PCDHA3: variants seen among roughly 807,000 people sequenced by gnomAD.
The protein encoded by PCDHA3 is protocadherin alpha-3.
PCDHA3 carries 41 observed loss-of-function variants against 62.2 expected under a neutral mutation model. That is an observed-to-expected ratio of 0.66 (90% CI 0.51 to 0.86). The LOEUF is 0.86. PCDHA3 is among the 40% of genes least tolerant of loss of function. The pLI, the probability that PCDHA3 is intolerant of heterozygous loss-of-function variation, is 0.00. For missense variants in PCDHA3, 1,304 were observed against 1,241.2 expected (o/e 1.05, Z -0.76); for synonymous variants, 640 against 555.4 (o/e 1.15, Z -2.14).
chr5:140,809,384 G>A (rs1379248044), intron 1 of PCDHA3: 1 of 1,614,062 alleles, frequency 6.2e-7, no homozygotes, highest in Non-Finnish European at 8.5e-7. Context: ...GGGCGCGTGC[G>A]CTCCGGGCAA....
At chr5:140,949,222 G>T (rs1472220330) in intron 1 of PCDHA3, among the ~76,000 whole-genome samples, 1 of 151,662 alleles carries the variant, frequency 6.6e-6, no homozygotes, top group Non-Finnish European at 1.5e-5. Flanking sequence ...GTTTAGACTT[G>T]TTCTGTGGCC....
rs2094433165 is a variant in PCDHA3, at chr5:140,949,923, G to T, written c.2395-29026G>T. Among the ~76,000 whole-genome samples the T allele has an allele frequency of 2.7e-5, 4 of 150,516 alleles. No homozygotes were observed. In the South Asian group the frequency reaches 8.3e-4, roughly 31 times the overall value. On this transcript the variant is annotated intron_variant, in intron 1 of 3. Coordinates refer to ENST00000522353, the MANE Select transcript of PCDHA3 (RefSeq NM_018906.3). Reference sequence around the variant, plus strand: ...TAATTTTTAGATATAACTATTTTTAGATTTTTTTTAATTTGCATTTTTTAG... The same window carrying T: ...TAATTTTTAGATATAACTATTTTTATATTTTTTTTAATTTGCATTTTTTAG...
chr5:140,953,283 G>A (rs1377100708), intron 1 of PCDHA3, among the ~76,000 whole-genome samples: 5 of 152,132 alleles, frequency 3.3e-5, no homozygotes, highest in Non-Finnish European at 7.3e-5. Flanking sequence ...CTCTTTATAT[G>A]TGATTCAGGG....
At chr5:140,928,321 A>G (rs1296238254) in intron 1 of PCDHA3, 1 of 1,614,162 alleles carries the variant, frequency 6.2e-7, no homozygotes, top group Non-Finnish European at 8.5e-7. Context: ...CCTGGGGAAG[A>G]ATGGCCTTGT....
At chr5:140,884,396 C>T (rs2060144550) in intron 1 of PCDHA3, 1 of 1,614,012 alleles carries the variant, frequency 6.2e-7, no homozygotes, top group Middle Eastern at 1.6e-4. Context: ...GGTGTCCAGC[C>T]TGTTGGTGCT....
intron 1 of PCDHA3, chr5:140,883,585 C>T (rs782326010): frequency 4.3e-6 from 7 of 1,613,932 alleles, no homozygotes; most frequent in East Asian, 4.5e-5. Flanking sequence ...GGGCCACGGC[C>T]AGCGTGTCGG....
intron 1 of PCDHA3, chr5:140,884,345 C>A (rs782318945): frequency 1.2e-6 from 2 of 1,613,916 alleles, no homozygotes; most frequent in African/African-American, 2.7e-5. Flanking sequence ...AGAAGCGGCG[C>A]TGGTGGATGT....
At chr5:140,815,038 A>AT (rs1226281271) in intron 1 of PCDHA3, 3 of 152,070 alleles carry the variant, frequency 2.0e-5, no homozygotes, top group Non-Finnish European at 4.4e-5. Context: ...TTTGCATGAA[A>AT]TTTTTTTAAT....
chr5:140,981,465 T>C (rs1226815704), intron 2 of PCDHA3, among the ~76,000 whole-genome samples: 2 of 152,116 alleles, frequency 1.3e-5, no homozygotes, highest in Non-Finnish European at 1.5e-5. Context: ...TCCCAGCTAC[T>C]TGGGAGGCTG....
intron 1 of PCDHA3, chr5:140,850,917 T>G: frequency 6.5e-7 from 1 of 1,530,140 alleles, no homozygotes; most frequent in Non-Finnish European, 8.8e-7. Context: ...TTTATTTATT[T>G]ATATAATTTT....
chr5:140,846,413 C>T (rs1209442612), intron 1 of PCDHA3, among the ~76,000 whole-genome samples: 16 of 119,220 alleles, frequency 1.3e-4, no homozygotes, highest in Non-Finnish European at 2.3e-4. Flanking sequence ...CTCGCTCTAT[C>T]TCCCAGGCTG....
At position 140,852,693 on chromosome 5, in the gene PCDHA3, C is replaced by T. The variant is rs138488585; in HGVS notation, c.2394+49102C>T. 6.9e-4 allele frequency: 673 copies of T among 973,480 alleles called. 53 individuals carry two copies. Among genetic ancestry groups the T allele is most frequent in the African/African-American group, 2.3e-3 (127 of 56,176 alleles). The allele number at this position is 973,480 out of a possible 1,614,324, so 60.3% of individuals were successfully genotyped here. A position where few individuals can be genotyped will look rare whatever the true frequency, so the allele number is the denominator to read the frequency against. Reference sequence around the variant, plus strand: ...AACTCACCTTGAATATAGTCTTATACTTTCAAGTATCTTTGTCTTTGCACG... The same window carrying T: ...AACTCACCTTGAATATAGTCTTATATTTTCAAGTATCTTTGTCTTTGCACG... On this transcript the variant is annotated intron_variant, in intron 1 of 3. Transcript: ENST00000522353.
chr5:140,871,092 C>T lies in PCDHA3; in HGVS notation c.2394+67501C>T, dbSNP rs575877743. 10 of 1,613,260 alleles carry T rather than the reference C, an allele frequency of 6.2e-6. No homozygotes were observed. The Admixed American group carries it at 8.3e-5, about 13-fold the overall frequency. ...AGCCGGCGCTGACGGCCACGGCCAC[C>T]GTGCTGGTGTCGTTGGTGGAGAGCG... is the stretch of plus-strand genomic sequence containing the variant. On this transcript the variant is annotated intron_variant, in intron 1 of 3. Transcript: ENST00000522353.
intron 1 of PCDHA3, among the ~76,000 whole-genome samples, chr5:140,944,948 A>T (rs1425847139): frequency 6.6e-6 from 1 of 152,200 alleles, no homozygotes; most frequent in African/African-American, 2.4e-5. Context: ...ATGATTGTGA[A>T]TAAGAGTATT....
Position 140,842,399 on chromosome 5 carries a change from C to T in PCDHA3, c.2394+38808C>T, listed in dbSNP as rs2150335315. The T allele has an allele frequency of 1.9e-5, 30 of 1,611,330 alleles. No individual in the cohort carries two copies. The South Asian group carries it at 3.2e-4, about 17-fold the overall frequency. Reference sequence around the variant, plus strand: ...ACTGACTTCCTTATCCTTGCCTGTACGTGAAGACGCTCAATTTGGTACTGT... The same window carrying T: ...ACTGACTTCCTTATCCTTGCCTGTATGTGAAGACGCTCAATTTGGTACTGT... On this transcript the variant is annotated intron_variant, in intron 1 of 3. Transcript: ENST00000522353.
intron 1 of PCDHA3, among the ~76,000 whole-genome samples, chr5:140,952,816 C>T (rs2094802630): frequency 6.6e-6 from 1 of 152,134 alleles, no homozygotes; most frequent in South Asian, 2.1e-4. Context: ...GCAGGCTGTA[C>T]AGGAAGCATG....
chr5:140,850,365 G>A (rs2150481125), intron 1 of PCDHA3: 1 of 1,597,962 alleles, frequency 6.3e-7, no homozygotes, highest in South Asian at 1.1e-5. Context: ...CCCGTTCCGC[G>A]TGGGGCTGTA....
At chr5:140,806,367 A>C (rs1369952326) in intron 1 of PCDHA3, among the ~76,000 whole-genome samples, 3 of 152,242 alleles carry the variant, frequency 2.0e-5, no homozygotes, top group African/African-American at 7.2e-5. Context: ...TAAGAGTCAA[A>C]ATGAGAATAC....
At chr5:140,851,602 G>A in intron 1 of PCDHA3, 1 of 918,032 alleles carries the variant, frequency 1.1e-6, no homozygotes, top group Non-Finnish European at 1.3e-6. Flanking sequence ...TCAGTTTACA[G>A]AAATTGGAGA....
Sources: gnomAD v4.1 joint callset for allele counts (sites outside exome capture counted in the v4.1 genomes callset) on GRCh38, gnomAD v4.1.1 for gene constraint, MANE v1.5 for transcripts, NCBI Gene and HGNC (gene_info 2026-07-23, HGNC 2026-07-21) for gene names.